Variants in LIN28B observed in about 807,000 individuals in gnomAD.
LIN28B encodes lin-28 RNA binding posttranscriptional regulator B.
A neutral mutation model predicts 21.9 loss-of-function variants in LIN28B; 5 were observed. The ratio of observed to expected loss-of-function variants is 0.23; its 90% CI spans 0.12 to 0.48. The LOEUF is 0.48. Ranked by LOEUF, LIN28B falls within the 20% of genes least tolerant of loss-of-function variation. The pLI is 0.98. For missense variants in LIN28B, 245 were observed against 310.5 expected, an observed-to-expected ratio of 0.79 and a Z score of 1.58; for synonymous variants, 109 against 111.3, an observed-to-expected ratio of 0.98 and a Z score of 0.13.
intron 2 of LIN28B, among the ~76,000 whole-genome samples, chr6:104,983,990 T>C (rs548516245): frequency 2.6e-5 from 4 of 152,316 alleles, no homozygotes; most frequent in African/African-American, 7.2e-5. Context: ...TCACGAACAA[T>C]TTACTTGCCG....
chr6:105,009,749 G>A (rs940414247), intron 2 of LIN28B, among the ~76,000 whole-genome samples: 1 of 152,002 alleles, frequency 6.6e-6, no homozygotes, highest in African/African-American at 2.4e-5. Context: ...AGGAAAGCAG[G>A]GTCTCTATAT....
At chr6:104,970,682 C>T (rs1306295692) in intron 2 of LIN28B, among the ~76,000 whole-genome samples, 2 of 152,068 alleles carry the variant, frequency 1.3e-5, no homozygotes, top group Admixed American at 1.3e-4. Context: ...ACTTGTTTCT[C>T]AGAACTCATA....
intron 3 of LIN28B, among the ~76,000 whole-genome samples, chr6:104,951,548 A>ATTATC (rs1778221331): frequency 6.6e-6 from 1 of 151,760 alleles, no homozygotes. Context: ...TTTTCCCCTT[A>ATTATC]TTATCGACTG....
intron 2 of LIN28B, among the ~76,000 whole-genome samples, chr6:105,017,120 A>T (rs557922248): frequency 6.6e-6 from 1 of 151,800 alleles, no homozygotes; most frequent in East Asian, 1.9e-4. Context: ...ATTATAATGT[A>T]GTATCATGTG....
At chr6:105,064,647 AT>A (rs1772186418) in intron 3 of LIN28B, among the ~76,000 whole-genome samples, 1 of 152,244 alleles carries the variant, frequency 6.6e-6, no homozygotes, top group Non-Finnish European at 1.5e-5. Context: ...GTATTTTTAA[AT>A]GTTTATTTTC....
At chr6:105,078,343 T>A in intron 3 of LIN28B, 71 bp from the exon 4 acceptor site, 1 of 1,393,670 alleles carries the variant, frequency 7.2e-7, no homozygotes, top group Non-Finnish European at 9.8e-7. Context: ...TTGTGTGTTT[T>A]CACATTTTAA....
chr6:104,994,147 G>A (rs1770551299), intron 2 of LIN28B, among the ~76,000 whole-genome samples: 2 of 152,058 alleles, frequency 1.3e-5, no homozygotes, highest in Non-Finnish European at 2.9e-5. Flanking sequence ...TGGGATTACA[G>A]GCGTGTGCCA....
At chr6:105,020,853 C>T (rs924406829) in intron 2 of LIN28B, among the ~76,000 whole-genome samples, 1 of 150,426 alleles carries the variant, frequency 6.6e-6, no homozygotes, top group South Asian at 2.1e-4. Flanking sequence ...CCTGGGTTCA[C>T]GCCATTCTCT....
intron 3 of LIN28B, 40 bp from the exon 4 acceptor site, chr6:105,078,374 C>G: frequency 6.5e-7 from 1 of 1,548,490 alleles, no homozygotes; most frequent in Non-Finnish European, 8.7e-7. Context: ...TGGATACATG[C>G]TGCCTACTTC....
At chr6:105,009,900 C>A (rs1022357466) in intron 2 of LIN28B, among the ~76,000 whole-genome samples, 1 of 152,146 alleles carries the variant, frequency 6.6e-6, no homozygotes, top group Admixed American at 6.6e-5. Flanking sequence ...CTTCAAAGTT[C>A]TTATACTCAT....
At chr6:105,043,644 A>G (rs1771688411) in intron 3 of LIN28B, among the ~76,000 whole-genome samples, 1 of 151,292 alleles carries the variant, frequency 6.6e-6, no homozygotes, top group Non-Finnish European at 1.5e-5. Flanking sequence ...GTGCAGTGGC[A>G]GGATCTCAGC....
chr6:105,042,217 G>A (rs1771652608), intron 3 of LIN28B, among the ~76,000 whole-genome samples: 2 of 152,148 alleles, frequency 1.3e-5, no homozygotes, highest in Admixed American at 1.3e-4. Context: ...ACACTGAATT[G>A]GGGGAAGGGG....
At chr6:105,045,194 CTGAG>C (rs1202821245) in intron 3 of LIN28B, among the ~76,000 whole-genome samples, 1 of 151,290 alleles carries the variant, frequency 6.6e-6, no homozygotes, top group Non-Finnish European at 1.5e-5. Flanking sequence ...TGTTTAAATC[CTGAG>C]TATTCCTAAA....
chr6:105,017,361 T>G (rs1248555523), intron 2 of LIN28B, among the ~76,000 whole-genome samples: 7 of 152,166 alleles, frequency 4.6e-5, no homozygotes, highest in African/African-American at 1.7e-4. Context: ...TCCATACATG[T>G]TTGTCTTCTC....
chr6:104,960,401 TTTA>T (rs1044836977), intron 2 of LIN28B, among the ~76,000 whole-genome samples: 4 of 152,210 alleles, frequency 2.6e-5, no homozygotes, highest in East Asian at 1.9e-4. Context: ...AAAAAACATT[TTTA>T]TTATTATTTT....
chr6:105,037,333 C>A (rs1165350450), intron 3 of LIN28B, among the ~76,000 whole-genome samples: 2 of 152,152 alleles, frequency 1.3e-5, no homozygotes, highest in African/African-American at 2.4e-5. Context: ...TAAGGATATG[C>A]AAGTCAAATT....
intron 3 of LIN28B, among the ~76,000 whole-genome samples, chr6:105,066,531 C>CT (rs2114409341): frequency 6.6e-6 from 1 of 152,210 alleles, no homozygotes; most frequent in East Asian, 1.9e-4. Flanking sequence ...TTCTATACGT[C>CT]TTTCTTTCCT....
intron 3 of LIN28B, among the ~76,000 whole-genome samples, chr6:105,063,141 T>C (rs1772152570): frequency 6.6e-6 from 1 of 152,224 alleles, no homozygotes; most frequent in Admixed American, 6.5e-5. Context: ...AATATTTATT[T>C]ATTTGTCTTA....
intron 2 of LIN28B, among the ~76,000 whole-genome samples, chr6:105,002,840 C>T (rs1770745420): frequency 6.6e-6 from 1 of 152,138 alleles, no homozygotes; most frequent in African/African-American, 2.4e-5. Flanking sequence ...TAGAGGACAA[C>T]TTTGTTCAAA....
Sources: allele counts gnomAD v4.1 joint callset (sites outside exome capture counted in the v4.1 genomes callset), GRCh38; gene constraint gnomAD v4.1.1; transcripts MANE v1.5; gene names NCBI Gene and HGNC (gene_info 2026-07-23, HGNC 2026-07-21).